Variants in CHST8 observed in about 807,000 individuals in gnomAD.
CHST8 encodes the protein GALNAC-4-ST1.
Under a neutral mutation model 15.0 loss-of-function variants are expected in CHST8, and 10 were observed. The observed-to-expected ratio is 0.67, with a 90% confidence interval of 0.41 to 1.13. The LOEUF is 1.13. CHST8 is among the 50% of genes most tolerant of loss of function. The pLI is 0.00. For synonymous variants in CHST8, 259 were observed against 256.6 expected, an observed-to-expected ratio of 1.01 and a Z score of -0.09; for missense variants, 634 against 608.2, an observed-to-expected ratio of 1.04 and a Z score of -0.45.
intron 3 of CHST8, among the ~76,000 whole-genome samples, chr19:33,733,375 A>G (rs1974028302): frequency 6.6e-6 from 1 of 151,966 alleles, no homozygotes; most frequent in Non-Finnish European, 1.5e-5. Flanking sequence ...CTAAGATTAC[A>G]GGCCCCCACA....
At chr19:33,641,631 C>G (rs1352191804) in intron 1 of CHST8, among the ~76,000 whole-genome samples, 1 of 152,030 alleles carries the variant, frequency 6.6e-6, no homozygotes, top group African/African-American at 2.4e-5. Context: ...GGAGAAGGAG[C>G]CTCAGATAGC....
chr19:33,703,601 T>G (rs1386452182), intron 3 of CHST8, among the ~76,000 whole-genome samples: 7 of 152,286 alleles, frequency 4.6e-5, no homozygotes, highest in African/African-American at 1.7e-4. Context: ...TCCAACTGCC[T>G]GCCGGTGGGG....
chr19:33,761,103 C>T (rs1422191732), intron 3 of CHST8, among the ~76,000 whole-genome samples: 3 of 152,236 alleles, frequency 2.0e-5, no homozygotes, highest in African/African-American at 7.2e-5. Flanking sequence ...CAGGGCAAGC[C>T]AGGGAGCGAC....
chr19:33,736,417 G>A (rs145979574), intron 3 of CHST8, among the ~76,000 whole-genome samples: 26 of 152,256 alleles, frequency 1.7e-4, no homozygotes, highest in African/African-American at 5.8e-4. Flanking sequence ...TTTGCACCAG[G>A]CTGTTTTGTC....
intron 3 of CHST8, among the ~76,000 whole-genome samples, chr19:33,767,507 A>G (rs1471658029): frequency 3.9e-5 from 6 of 152,236 alleles, no homozygotes; most frequent in African/African-American, 7.2e-5. Flanking sequence ...ACTTCAGCCA[A>G]TGAAGAGTTC....
intron 3 of CHST8, among the ~76,000 whole-genome samples, chr19:33,700,851 T>C (rs1294797295): frequency 1.3e-5 from 2 of 152,142 alleles, no homozygotes; most frequent in South Asian, 4.1e-4. Context: ...ATGGTTCACA[T>C]AGATTGCAGT....
intron 3 of CHST8, among the ~76,000 whole-genome samples, chr19:33,724,470 G>GGCT (rs1266885535): frequency 6.6e-6 from 1 of 150,944 alleles, no homozygotes; most frequent in Non-Finnish European, 1.5e-5. Flanking sequence ...TGTAAAGTGT[G>GGCT]GCTGCGGGGC....
intron 3 of CHST8, among the ~76,000 whole-genome samples, chr19:33,757,580 GAAA>G (rs1568359084): frequency 2.1e-5 from 3 of 141,666 alleles, no homozygotes; most frequent in African/African-American, 7.9e-5. Context: ...AAGAAAGAAA[GAAA>G]GAAAGAAAGA....
intron 3 of CHST8, among the ~76,000 whole-genome samples, chr19:33,690,506 G>A (rs1836887951): frequency 6.6e-6 from 1 of 152,226 alleles, no homozygotes; most frequent in South Asian, 2.1e-4. Flanking sequence ...AAGAGCACAA[G>A]GAGGCCAGAG....
chr19:33,632,014 G>T (rs1972128244), intron 1 of CHST8, among the ~76,000 whole-genome samples: 1 of 152,292 alleles, frequency 6.6e-6, no homozygotes, highest in Admixed American at 6.5e-5. Context: ...TTTTATCTTG[G>T]GTGTCAGGAA....
In CHST8 at chr19:33,772,991, G is replaced by A. The variant is rs1975042242; in HGVS notation, c.1203G>A (p.Gln401=). The A allele has an allele frequency of 1.9e-6, 3 of 1,613,370 alleles. No homozygotes were observed. The highest frequency in any genetic ancestry group is 2.5e-6 in the Non-Finnish European group (3 of 1,180,028). ...YFAQLSALQR[Q]RTYDFYYMDY... ...CCCAACTCTCGGCCCTGCAAAGGCA[G>A]CGCACCTACGACTTCTACTACATGG... is the stretch of plus-strand genomic sequence containing the variant. The change falls in exon 5 of 5, where the codon CAG becomes CAA. Residue 401 remains glutamine, a synonymous_variant. Coordinates refer to ENST00000650847, the MANE Select transcript of CHST8 (RefSeq NM_001127895.2).
Position 33,685,723 on chromosome 19 carries a change from C to T in CHST8, c.-86-3453C>T, listed in dbSNP as rs181972122. On this transcript the variant is annotated intron_variant, in intron 2 of 4. Coordinates refer to ENST00000650847, the MANE Select transcript of CHST8 (RefSeq NM_001127895.2). ...AGCCTGTGACAGATGGTGGTGTCCA[C>T]TCCCCAGGCAGCAGCTGGACTCCCA... is the stretch of plus-strand genomic sequence containing the variant. Among the ~76,000 whole-genome samples, 38 of 152,324 alleles carry T rather than the reference C, an allele frequency of 2.5e-4. 1 individual carries two copies. The highest frequency in any genetic ancestry group is 1.5e-5 in the Non-Finnish European group (1 of 68,030).
At chr19:33,763,013 C>T (rs866158517) in intron 3 of CHST8, among the ~76,000 whole-genome samples, 6 of 152,014 alleles carry the variant, frequency 3.9e-5, no homozygotes, top group African/African-American at 9.7e-5. Context: ...AGATTACAGG[C>T]GCCCACCATC....
chr19:33,714,965 CCT>C (rs542576515), intron 3 of CHST8, among the ~76,000 whole-genome samples: 184 of 152,282 alleles, frequency 1.2e-3, no homozygotes, highest in African/African-American at 3.3e-3. Flanking sequence ...TGCAGCCCAC[CCT>C]GAGAGATCCA....
intron 3 of CHST8, among the ~76,000 whole-genome samples, chr19:33,747,549 CCACACACACATACACA>C (rs986689291): frequency 1.3e-5 from 2 of 151,466 alleles, no homozygotes; most frequent in African/African-American, 2.4e-5. Context: ...TAGACATATG[CCACACACACATACACA>C]CACACACACA....
intron 1 of CHST8, among the ~76,000 whole-genome samples, chr19:33,647,910 G>A (rs2145206896): frequency 6.6e-6 from 1 of 151,630 alleles, no homozygotes. Context: ...AGGGAAGAGG[G>A]GTTGAAAGGT....
chr19:33,666,182 AG>A (rs1972658226), intron 1 of CHST8, among the ~76,000 whole-genome samples: 1 of 152,194 alleles, frequency 6.6e-6, no homozygotes, highest in African/African-American at 2.4e-5. Flanking sequence ...TCTGGAACTG[AG>A]CCCTTCATGC....
chr19:33,750,037 A>T (rs1049684172), intron 3 of CHST8, among the ~76,000 whole-genome samples: 1 of 152,072 alleles, frequency 6.6e-6, no homozygotes, highest in Non-Finnish European at 1.5e-5. Flanking sequence ...TGGCTGGGAG[A>T]CCGAAACGCC....
intron 1 of CHST8, among the ~76,000 whole-genome samples, chr19:33,659,058 A>ATT (rs1972550375): frequency 1.1e-5 from 1 of 87,842 alleles, no homozygotes; most frequent in African/African-American, 5.2e-5. Context: ...TTAGGTAATG[A>ATT]CTTTTTTTTT....
Sources: allele counts gnomAD v4.1 joint callset (sites outside exome capture counted in the v4.1 genomes callset), GRCh38; gene constraint gnomAD v4.1.1; transcripts MANE v1.5; gene names NCBI Gene and HGNC (gene_info 2026-07-23, HGNC 2026-07-21).